PRKAG2: variants seen among roughly 807,000 people sequenced by gnomAD.
PRKAG2 encodes the protein protein kinase AMP-activated non-catalytic subunit gamma 2.
In PRKAG2, 26 loss-of-function variants were observed where a neutral mutation model predicts 69.6. The observed-to-expected ratio is 0.37, with a 90% CI of 0.27 to 0.52. PRKAG2 has a LOEUF of 0.52. PRKAG2 is among the 20% of genes least tolerant of loss of function. The pLI is 0.90. For synonymous variants in PRKAG2, 293 were observed against 285.0 expected (o/e 1.03, Z -0.28); for missense variants, 557 against 740.0 (o/e 0.75, Z 2.87).
At chr7:151,829,927 C>T (rs1364616899) in intron 1 of PRKAG2, among the ~76,000 whole-genome samples, 7 of 151,702 alleles carry the variant, frequency 4.6e-5, no homozygotes, top group South Asian at 2.1e-4. Context: ...GAGACCGAGG[C>T]GCAGACACCC....
At chr7:151,740,859 T>C (rs898905257) in intron 3 of PRKAG2, among the ~76,000 whole-genome samples, 14 of 152,084 alleles carry the variant, frequency 9.2e-5, no homozygotes, top group Non-Finnish European at 1.8e-4. Context: ...ACCCCAGCCT[T>C]CCCAAACAAG....
At chr7:151,726,679 T>G (rs1586097766) in intron 3 of PRKAG2, among the ~76,000 whole-genome samples, 2 of 151,962 alleles carry the variant, frequency 1.3e-5, no homozygotes, top group East Asian at 3.9e-4. Flanking sequence ...TCTCACAAAG[T>G]GCAAGTGAAA....
At chr7:151,648,070 G>T (rs879326506) in intron 4 of PRKAG2, among the ~76,000 whole-genome samples, 2 of 152,040 alleles carry the variant, frequency 1.3e-5, no homozygotes, top group Non-Finnish European at 2.9e-5. Context: ...GTCCAAAAAA[G>T]TACCTTTGGT....
intron 3 of PRKAG2, among the ~76,000 whole-genome samples, chr7:151,714,046 G>C (rs890605344): frequency 1.4e-4 from 21 of 152,152 alleles, no homozygotes; most frequent in Admixed American, 1.2e-3. Flanking sequence ...AGTCAAGTGT[G>C]GGGGGTCACT....
intron 1 of PRKAG2, among the ~76,000 whole-genome samples, chr7:151,789,322 T>C (rs1403102286): frequency 6.6e-6 from 1 of 152,212 alleles, no homozygotes; most frequent in African/African-American, 2.4e-5. Flanking sequence ...GTGTCTTCTT[T>C]CATTTCCACC....
chr7:151,732,428 C>T (rs975249754), intron 3 of PRKAG2, among the ~76,000 whole-genome samples: 5 of 152,122 alleles, frequency 3.3e-5, no homozygotes, highest in African/African-American at 7.2e-5. Flanking sequence ...CATGAGCCAC[C>T]GAACCCAGCC....
At chr7:151,766,868 A>T (rs2075759051) in intron 3 of PRKAG2, among the ~76,000 whole-genome samples, 1 of 152,224 alleles carries the variant, frequency 6.6e-6, no homozygotes, top group South Asian at 2.1e-4. Flanking sequence ...AGAAGGCAGG[A>T]CATATCCATT....
intron 6 of PRKAG2, among the ~76,000 whole-genome samples, chr7:151,582,242 T>C (rs1215823745): frequency 6.6e-6 from 1 of 152,142 alleles, no homozygotes; most frequent in Non-Finnish European, 1.5e-5. Context: ...CTCAACCTCC[T>C]GGGTTCAAGT....
intron 4 of PRKAG2, among the ~76,000 whole-genome samples, chr7:151,636,516 G>A (rs749665675): frequency 1.3e-5 from 2 of 152,152 alleles, no homozygotes; most frequent in African/African-American, 2.4e-5. Flanking sequence ...ACTCTGTTGT[G>A]TGGACACACA....
chr7:151,652,579 T>C (rs1828714564), intron 4 of PRKAG2, among the ~76,000 whole-genome samples: 1 of 152,238 alleles, frequency 6.6e-6, no homozygotes, highest in Non-Finnish European at 1.5e-5. Context: ...GTATATGTGC[T>C]GTCAAAGCAG....
intron 1 of PRKAG2, among the ~76,000 whole-genome samples, chr7:151,832,837 G>A (rs577345803): frequency 3.3e-5 from 5 of 152,216 alleles, no homozygotes; most frequent in East Asian, 1.9e-4. Flanking sequence ...TATCCCAGGC[G>A]AGCAGTTAGG....
chr7:151,841,156 T>G (rs2151885776), intron 1 of PRKAG2, among the ~76,000 whole-genome samples: 1 of 152,210 alleles, frequency 6.6e-6, no homozygotes, highest in South Asian at 2.1e-4. Flanking sequence ...CCAAGCTAAT[T>G]TTTTTATTTT....
chr7:151,569,036 T>C (rs1402140357), intron 10 of PRKAG2, among the ~76,000 whole-genome samples, 194 bp from the exon 11 acceptor site: 3 of 152,206 alleles, frequency 2.0e-5, no homozygotes, highest in Non-Finnish European at 2.9e-5. Flanking sequence ...CAAATACAAG[T>C]GCAAGCTACA....
intron 6 of PRKAG2, among the ~76,000 whole-genome samples, chr7:151,591,618 GCAC>G (rs1459801057): frequency 6.6e-6 from 1 of 152,214 alleles, no homozygotes; most frequent in Non-Finnish European, 1.5e-5. Context: ...GAGGCAACAT[GCAC>G]CACATGTGTA....
chr7:151,620,140 C>T (rs76130162), intron 5 of PRKAG2, among the ~76,000 whole-genome samples: 3,514 of 152,294 alleles, frequency 0.023, 136 homozygotes, highest in African/African-American at 0.08. Flanking sequence ...CTGCTGCCCC[C>T]GCTGGCTGTC....
At chr7:151,749,411 T>C (rs7797823) in intron 3 of PRKAG2, among the ~76,000 whole-genome samples, 4 of 152,134 alleles carry the variant, frequency 2.6e-5, no homozygotes, top group African/African-American at 9.7e-5. Flanking sequence ...AAGCGTTCAG[T>C]GTCTACATGG....
intron 3 of PRKAG2, among the ~76,000 whole-genome samples, chr7:151,778,541 G>T (rs2076509463): frequency 6.6e-6 from 1 of 152,150 alleles, no homozygotes; most frequent in Admixed American, 6.5e-5. Context: ...CCATCTGTAG[G>T]TTCTCCCCAT....
chr7:151,860,993 C>T (rs1217474344), intron 1 of PRKAG2, among the ~76,000 whole-genome samples: 1 of 152,174 alleles, frequency 6.6e-6, no homozygotes, highest in Non-Finnish European at 1.5e-5. Flanking sequence ...TGCAGCCCCA[C>T]CCCAAGACTT....
intron 4 of PRKAG2, among the ~76,000 whole-genome samples, chr7:151,644,606 G>T (rs1039929283): frequency 6.6e-6 from 1 of 152,182 alleles, no homozygotes; most frequent in Non-Finnish European, 1.5e-5. Flanking sequence ...GGACATGTGG[G>T]ATATTTTCAC....
Sources: gnomAD v4.1 joint callset for allele counts (sites outside exome capture counted in the v4.1 genomes callset) on GRCh38, gnomAD v4.1.1 for gene constraint, MANE v1.5 for transcripts, NCBI Gene and HGNC (gene_info 2026-07-23, HGNC 2026-07-21) for gene names.